PDPN: variants seen among roughly 807,000 people sequenced by gnomAD.
The protein encoded by PDPN is PA2.26 antigen.
Under a neutral mutation model 23.2 loss-of-function variants are expected in PDPN, and 12 were observed. The ratio of observed to expected loss-of-function variants is 0.52; its 90% CI spans 0.33 to 0.84. The LOEUF (loss-of-function observed/expected upper bound fraction) is 0.84. Ranked by LOEUF, PDPN falls within the 40% of genes least tolerant of loss-of-function variation. The pLI, the probability that PDPN is intolerant of heterozygous loss-of-function variation, is 0.02. For missense variants in PDPN, 199 were observed against 212.2 expected (o/e 0.94, Z 0.39); for synonymous variants, 77 against 76.7 (o/e 1.00, Z -0.02).
chr1:13,589,064 C>T (rs1640264974), intron 1 of PDPN, among the ~76,000 whole-genome samples: 1 of 122,612 alleles, frequency 8.2e-6, no homozygotes, highest in African/African-American at 3.4e-5. Flanking sequence ...AAGGCAAACC[C>T]CATCCCTGCT....
intron 2 of PDPN, among the ~76,000 whole-genome samples, chr1:13,608,410 C>G (rs948289975): frequency 1.3e-5 from 2 of 152,162 alleles, no homozygotes; most frequent in Non-Finnish European, 2.9e-5. Flanking sequence ...GCCTATCTGA[C>G]CTGTACACCA....
At chr1:13,584,986 A>T (rs1187007024) in intron 1 of PDPN, among the ~76,000 whole-genome samples, 5 of 151,804 alleles carry the variant, frequency 3.3e-5, no homozygotes, top group African/African-American at 1.2e-4. Flanking sequence ...TTGGGTTTTT[A>T]TTTTTATATT....
intron 1 of PDPN, among the ~76,000 whole-genome samples, chr1:13,605,692 G>A (rs1031890294): frequency 1.6e-4 from 24 of 151,950 alleles, no homozygotes; most frequent in African/African-American, 5.6e-4. Context: ...GTGTGATCTT[G>A]GCTCACTGCA....
Position 13,583,886 on chromosome 1 carries a change from C to T in PDPN, c.-148C>T, listed in dbSNP as rs376115475. Reference sequence around the variant, plus strand: ...GGGTCTGGGAAGCTCGGGCACCCTCCCTCTCCGGGGCTCCTGCTCCCACCC... The same window carrying T: ...GGGTCTGGGAAGCTCGGGCACCCTCTCTCTCCGGGGCTCCTGCTCCCACCC... On this transcript the variant is annotated 5_prime_UTR_variant, in exon 1 of 6. Coordinates refer to ENST00000621990, the MANE Select transcript of PDPN (RefSeq NM_006474.5). The T allele has an allele frequency of 1.5e-5, 24 of 1,610,786 alleles. No individual in the cohort carries two copies. The African/African-American group carries it at 2.5e-4, about 17-fold the overall frequency.
At chr1:13,598,451 C>T (rs556302220) in intron 1 of PDPN, among the ~76,000 whole-genome samples, 4 of 152,258 alleles carry the variant, frequency 2.6e-5, no homozygotes, top group Non-Finnish European at 4.4e-5. Context: ...TCTTAGATAA[C>T]AGAAAGAATC....
At chr1:13,584,262 G>C (rs915177216) in intron 1 of PDPN, 162 bp downstream of exon 1, 1 of 1,532,294 alleles carries the variant, frequency 6.5e-7, no homozygotes, top group Admixed American at 2.0e-5. Context: ...AGGAGAGGCA[G>C]CGGCTTAGTC....
chr1:13,591,653 C>T (rs919962872), intron 1 of PDPN, among the ~76,000 whole-genome samples: 4 of 152,182 alleles, frequency 2.6e-5, no homozygotes, highest in Admixed American at 6.5e-5. Flanking sequence ...ATGATGCTTA[C>T]GAGGTTCATC....
At chr1:13,606,178 C>G (rs1640785253) in intron 1 of PDPN, among the ~76,000 whole-genome samples, 1 of 151,886 alleles carries the variant, frequency 6.6e-6, no homozygotes. Flanking sequence ...TTAGTAGAGA[C>G]AGAGTTTCAC....
intron 1 of PDPN, among the ~76,000 whole-genome samples, chr1:13,606,868 G>GGA (rs1487024154): frequency 6.6e-6 from 1 of 152,160 alleles, no homozygotes; most frequent in African/African-American, 2.4e-5. Context: ...TTATTGAAAA[G>GGA]GAAAGATGTA....
intron 1 of PDPN, among the ~76,000 whole-genome samples, chr1:13,603,880 C>T (rs542093687): frequency 2.6e-5 from 4 of 152,320 alleles, no homozygotes; most frequent in East Asian, 1.9e-4. Flanking sequence ...AGCCACCGCG[C>T]CCAGCCCTGC....
intron 3 of PDPN, among the ~76,000 whole-genome samples, chr1:13,611,237 C>A (rs1309088743): frequency 1.6e-5 from 2 of 127,794 alleles, no homozygotes; most frequent in East Asian, 2.3e-4. Context: ...AAAAACAAAA[C>A]AAAAAAACAA....
rs988856292 is a variant in PDPN, at chr1:13,617,324, T to C, written c.*1413T>C. On this transcript the variant is annotated 3_prime_UTR_variant, in exon 6 of 6. Transcript: ENST00000621990. ...CCATTCCTCCCATTTTTTGCAATGA[T>C]GTCTGGATGTTATTTTAAACAGTGT... 1.3e-5 allele frequency: 2 copies of C among 152,220 alleles called. No individual in the cohort carries two copies. Among genetic ancestry groups the C allele is most frequent in the African/African-American group, 4.8e-5 (2 of 41,456 alleles). The allele number at this position is 152,220 out of a possible 1,614,324, so 9.4% of individuals were successfully genotyped here.
At chr1:13,588,781 C>T (rs376761391) in intron 1 of PDPN, among the ~76,000 whole-genome samples, 6 of 140,266 alleles carry the variant, frequency 4.3e-5, no homozygotes, top group Admixed American at 1.5e-4. Flanking sequence ...CAGGCTCAAG[C>T]GATCCTCCCA....
intron 2 of PDPN, among the ~76,000 whole-genome samples, chr1:13,608,029 C>T (rs1570050358): frequency 2.0e-5 from 3 of 152,066 alleles, no homozygotes; most frequent in Non-Finnish European, 1.5e-5. Context: ...AGCTTGAACC[C>T]GGGAGGTGGA....
At chr1:13,589,648 G>A (rs944918650) in intron 1 of PDPN, among the ~76,000 whole-genome samples, 1 of 152,166 alleles carries the variant, frequency 6.6e-6, no homozygotes, top group East Asian at 1.9e-4. Flanking sequence ...GTAAATGGCA[G>A]CAGTGAGACT....
chr1:13,608,116 T>G (rs1640839717), intron 2 of PDPN, among the ~76,000 whole-genome samples: 2 of 151,936 alleles, frequency 1.3e-5, no homozygotes, highest in Admixed American at 6.6e-5. Flanking sequence ...AAAAAATAAA[T>G]AAATAAATAA....
chr1:13,604,452 T>G (rs568652473), intron 1 of PDPN, among the ~76,000 whole-genome samples: 76 of 152,284 alleles, frequency 5.0e-4, no homozygotes, highest in South Asian at 3.5e-3. Flanking sequence ...TGACTATCAT[T>G]CATAAAACGC....
In PDPN at chr1:13,595,005, AAAAG is replaced by A. The variant is rs1553144391; in HGVS notation, c.67+10917_67+10920del. ...GCGAGACTCCTTCTCAAAAAAAAAAAAAAGAAAGAAAGAAAAAAAAAACGAGAGC... is the reference window on the plus strand; with the variant it reads ...GCGAGACTCCTTCTCAAAAAAAAAAAAAAGAAAGAAAAAAAAAACGAGAGC... On this transcript the variant is annotated intron_variant, in intron 1 of 5. Transcript: ENST00000621990. Among the ~76,000 whole-genome samples the A allele has an allele frequency of 3.0e-3, 456 of 151,190 alleles. 4 individuals carry two copies. The highest frequency in any genetic ancestry group is 8.9e-3 in the African/African-American group (368 of 41,152).
chr1:13,588,675 T>G (rs1640251239), intron 1 of PDPN, among the ~76,000 whole-genome samples: 1 of 104,676 alleles, frequency 9.6e-6, no homozygotes, highest in South Asian at 3.0e-4. Flanking sequence ...ATAAAATATA[T>G]ATATAATATA....
Sources: gnomAD v4.1 joint callset for allele counts (sites outside exome capture counted in the v4.1 genomes callset) on GRCh38, gnomAD v4.1.1 for gene constraint, MANE v1.5 for transcripts, NCBI Gene and HGNC (gene_info 2026-07-23, HGNC 2026-07-21) for gene names.